SHISA9: variants seen among roughly 807,000 people sequenced by gnomAD.
SHISA9 encodes shisa family member 9, also known as protein shisa-9.
Under a neutral mutation model 38.0 loss-of-function variants are expected in SHISA9, and 13 were observed. The observed-to-expected ratio is 0.34, with a 90% CI of 0.22 to 0.54. The LOEUF (loss-of-function observed/expected upper bound fraction) is 0.54, where lower values mean the gene tolerates loss of function less well. SHISA9 is among the 20% of genes least tolerant of loss of function. The pLI, the probability that SHISA9 is intolerant of heterozygous loss-of-function variation, is 0.91. For synonymous variants in SHISA9, 275 were observed against 242.0 expected, an observed-to-expected ratio of 1.14 and a Z score of -1.27; for missense variants, 538 against 575.8, an observed-to-expected ratio of 0.93 and a Z score of 0.67.
chr16:13,224,075 G>C (rs888308559), intron 4 of SHISA9, among the ~76,000 whole-genome samples: 12 of 152,186 alleles, frequency 7.9e-5, no homozygotes, highest in African/African-American at 2.9e-4. Context: ...AGGATGTTGA[G>C]AGTATTGAAG....
intron 2 of SHISA9, among the ~76,000 whole-genome samples, chr16:13,102,895 CTT>C (rs2073892708): frequency 6.6e-6 from 1 of 152,194 alleles, no homozygotes; most frequent in Non-Finnish European, 1.5e-5. Context: ...AACTTCCAGA[CTT>C]TTCATTCAGA....
the SHISA9 span, among the ~76,000 whole-genome samples, chr16:13,274,784 C>G: frequency 1.3e-5 from 2 of 152,144 alleles, no homozygotes; most frequent in African/African-American, 4.8e-5. Context: ...GATAGCCATC[C>G]TTTGGAGGAA....
the SHISA9 span, among the ~76,000 whole-genome samples, chr16:13,531,086 C>T: frequency 6.6e-6 from 1 of 152,172 alleles, no homozygotes; most frequent in African/African-American, 2.4e-5. Context: ...TGCCCTGAAT[C>T]AACCTCCATT....
intron 2 of SHISA9, among the ~76,000 whole-genome samples, chr16:13,064,784 CAAAAAAAA>C (rs72435637): frequency 7.3e-5 from 6 of 82,376 alleles, no homozygotes; most frequent in African/African-American, 1.5e-4. Context: ...AGTTGTAAGG[CAAAAAAAA>C]AAAAAAAAAG....
At chr16:13,098,805 G>A (rs144478446) in intron 2 of SHISA9, among the ~76,000 whole-genome samples, 2 of 152,232 alleles carry the variant, frequency 1.3e-5, no homozygotes, top group African/African-American at 4.8e-5. Flanking sequence ...GACTCAGAGA[G>A]GCTCCCAGCT....
At chr16:13,423,837 C>T in the SHISA9 span, among the ~76,000 whole-genome samples, 1 of 152,142 alleles carries the variant, frequency 6.6e-6, no homozygotes, top group Non-Finnish European at 1.5e-5. Flanking sequence ...AGCTGTCAAC[C>T]AAAGGCTGCT....
At chr16:13,428,554 G>A in the SHISA9 span, among the ~76,000 whole-genome samples, 1 of 152,158 alleles carries the variant, frequency 6.6e-6, no homozygotes, top group Non-Finnish European at 1.5e-5. Context: ...TAGCTTCCTT[G>A]AAGTGGGTCA....
chr16:13,262,649 G>GAAGGAAGT, the SHISA9 span, among the ~76,000 whole-genome samples: 1 of 87,834 alleles, frequency 1.1e-5, no homozygotes, highest in Admixed American at 1.1e-4. Flanking sequence ...AGGAAGGAAG[G>GAAGGAAGT]AAGGAAGGAA....
At chr16:13,101,592 C>T (rs908168352) in intron 2 of SHISA9, among the ~76,000 whole-genome samples, 1 of 152,202 alleles carries the variant, frequency 6.6e-6, no homozygotes, top group Admixed American at 6.5e-5. Context: ...AAGCTAGTTG[C>T]TGGCTTTTGA....
At chr16:13,002,320 G>A (rs1019141187) in intron 2 of SHISA9, among the ~76,000 whole-genome samples, 1 of 152,162 alleles carries the variant, frequency 6.6e-6, no homozygotes, top group African/African-American at 2.4e-5. Context: ...CCTTTAATAT[G>A]TGCCAGGCAT....
At chr16:13,029,116 G>A (rs1213598953) in intron 2 of SHISA9, among the ~76,000 whole-genome samples, 7 of 152,094 alleles carry the variant, frequency 4.6e-5, no homozygotes. Context: ...GCTACCACAT[G>A]CTTCAACAAT....
the SHISA9 span, among the ~76,000 whole-genome samples, chr16:13,427,950 G>T: frequency 1.3e-5 from 2 of 152,300 alleles, no homozygotes; most frequent in South Asian, 4.1e-4. Flanking sequence ...TATTTAGAGC[G>T]CATTGAATGA....
chr16:13,286,221 A>G, the SHISA9 span, among the ~76,000 whole-genome samples: 1 of 152,236 alleles, frequency 6.6e-6, no homozygotes, highest in East Asian at 1.9e-4. Flanking sequence ...TATAAAACCA[A>G]GCTAACCAAG....
chr16:13,294,022 T>A, the SHISA9 span, among the ~76,000 whole-genome samples: 1 of 152,162 alleles, frequency 6.6e-6, no homozygotes, highest in Non-Finnish European at 1.5e-5. Flanking sequence ...TTTGACCCCA[T>A]CATGTAAGTA....
At chr16:13,470,493 A>G in the SHISA9 span, among the ~76,000 whole-genome samples, 1 of 152,218 alleles carries the variant, frequency 6.6e-6, no homozygotes, top group Admixed American at 6.5e-5. Context: ...GCAAAGGCAC[A>G]TCTTACATGG....
At chr16:13,514,994 A>G in the SHISA9 span, among the ~76,000 whole-genome samples, 22 of 152,170 alleles carry the variant, frequency 1.4e-4, no homozygotes, top group Non-Finnish European at 2.9e-4. Context: ...AAATAATTAT[A>G]GCAATCTTGT....
the SHISA9 span, among the ~76,000 whole-genome samples, chr16:13,539,304 A>G: frequency 4.0e-5 from 2 of 50,496 alleles, no homozygotes; most frequent in Non-Finnish European, 8.3e-5. Context: ...TAAATTTTAC[A>G]TATATATATA....
the SHISA9 span, among the ~76,000 whole-genome samples, chr16:13,390,754 G>A: frequency 6.6e-6 from 1 of 152,170 alleles, no homozygotes; most frequent in Non-Finnish European, 1.5e-5. Context: ...AGATCAGCAC[G>A]CTGGGTGACA....
the SHISA9 span, among the ~76,000 whole-genome samples, chr16:13,463,739 A>G: frequency 1.3e-5 from 2 of 152,222 alleles, no homozygotes; most frequent in Non-Finnish European, 2.9e-5. Context: ...CTGGCTGCTC[A>G]GGAAATATCG....
Sources: gnomAD v4.1 joint callset for allele counts (sites outside exome capture counted in the v4.1 genomes callset) on GRCh38, gnomAD v4.1.1 for gene constraint, MANE v1.5 for transcripts, NCBI Gene and HGNC (gene_info 2026-07-23, HGNC 2026-07-21) for gene names.